MAST4: variants seen among roughly 807,000 people sequenced by gnomAD.
MAST4 encodes the protein microtubule associated serine/threonine kinase family member 4.
Under a neutral mutation model 162.7 loss-of-function variants are expected in MAST4, and 89 were observed. The observed-to-expected ratio is 0.55, with a 90% CI of 0.46 to 0.65. The LOEUF is 0.65. Ranked by LOEUF, MAST4 falls within the 30% of genes least tolerant of loss-of-function variation. MAST4 has a pLI of 0.00. For missense variants in MAST4, 3,153 were observed against 3,374.0 expected, an observed-to-expected ratio of 0.93 and a Z score of 1.62; for synonymous variants, 1,479 against 1,361.1, an observed-to-expected ratio of 1.09 and a Z score of -1.91.
At chr5:67,007,789 G>C (rs1752214610) in intron 4 of MAST4, among the ~76,000 whole-genome samples, 1 of 152,102 alleles carries the variant, frequency 6.6e-6, no homozygotes, top group African/African-American at 2.4e-5. Flanking sequence ...ATGCTGGTTT[G>C]TTAGTTTGTA....
intron 1 of MAST4, among the ~76,000 whole-genome samples, chr5:66,661,639 C>G (rs1190687679): frequency 6.6e-6 from 1 of 152,238 alleles, no homozygotes. Context: ...TCTGCCTGTT[C>G]AGAGCCTGGG....
intron 1 of MAST4, among the ~76,000 whole-genome samples, chr5:66,734,236 G>T (rs532274166): frequency 6.6e-6 from 1 of 152,268 alleles, no homozygotes; most frequent in Non-Finnish European, 1.5e-5. Context: ...AAATTAGATT[G>T]CAGACTTTTG....
At chr5:66,894,225 C>G (rs2149957087) in intron 3 of MAST4, among the ~76,000 whole-genome samples, 1 of 152,316 alleles carries the variant, frequency 6.6e-6, no homozygotes, top group South Asian at 2.1e-4. Context: ...GTGCCAACCT[C>G]TAATAAACAA....
intron 3 of MAST4, among the ~76,000 whole-genome samples, chr5:66,877,546 G>A (rs1450066662): frequency 6.6e-6 from 1 of 152,208 alleles, no homozygotes; most frequent in East Asian, 1.9e-4. Context: ...GCTGACTCCT[G>A]ATGGACGTAC....
intron 4 of MAST4, among the ~76,000 whole-genome samples, chr5:67,040,775 G>A (rs557848692): frequency 6.6e-6 from 1 of 152,308 alleles, no homozygotes; most frequent in East Asian, 1.9e-4. Flanking sequence ...TAATTTATAA[G>A]TGTACATATA....
chr5:66,969,194 G>A (rs1023441110), intron 4 of MAST4, among the ~76,000 whole-genome samples: 6 of 152,188 alleles, frequency 3.9e-5, no homozygotes, highest in South Asian at 4.1e-4. Context: ...GGGTCCCTGC[G>A]GCACCTTTTA....
chr5:66,730,268 T>G (rs1377389452), intron 1 of MAST4, among the ~76,000 whole-genome samples: 1 of 152,202 alleles, frequency 6.6e-6, no homozygotes, highest in African/African-American at 2.4e-5. Flanking sequence ...CCTGAAGAGA[T>G]GTATTCTTCC....
intron 3 of MAST4, among the ~76,000 whole-genome samples, chr5:66,826,577 A>G (rs1757268150): frequency 6.6e-6 from 1 of 152,002 alleles, no homozygotes; most frequent in Non-Finnish European, 1.5e-5. Context: ...TTGTGTTTCA[A>G]GGGGAAAACT....
chr5:66,627,977 CAA>C (rs1464567894), intron 1 of MAST4, among the ~76,000 whole-genome samples: 1 of 151,982 alleles, frequency 6.6e-6, no homozygotes, highest in Non-Finnish European at 1.5e-5. Context: ...TTGCTAAAAA[CAA>C]AAGTTTCTTT....
chr5:66,837,861 ATT>A (rs1758088541), intron 3 of MAST4, among the ~76,000 whole-genome samples: 1 of 79,468 alleles, frequency 1.3e-5, no homozygotes, highest in Non-Finnish European at 2.2e-5. Flanking sequence ...GTGAGACTTG[ATT>A]TTATATATAT....
At chr5:67,051,197 A>G (rs1295187) in intron 4 of MAST4, among the ~76,000 whole-genome samples, 85,508 of 150,390 alleles carry the variant, frequency 0.57, 24,821 homozygotes, top group East Asian at 0.89. Context: ...AAAAAAAAAA[A>G]CAAGGCAGAA....
chr5:67,038,394 T>G (rs1282251080), intron 4 of MAST4, among the ~76,000 whole-genome samples: 2 of 152,214 alleles, frequency 1.3e-5, no homozygotes, highest in African/African-American at 4.8e-5. Context: ...GACTTCCTGA[T>G]TACAAACTCC....
chr5:66,930,161 G>A (rs562170010), intron 4 of MAST4, among the ~76,000 whole-genome samples: 10 of 152,178 alleles, frequency 6.6e-5, no homozygotes, highest in Non-Finnish European at 1.2e-4. Flanking sequence ...TTGAATGAGA[G>A]CAGGAAGAGA....
At chr5:67,071,298 C>T (rs1056014673) in intron 5 of MAST4, among the ~76,000 whole-genome samples, 3 of 152,230 alleles carry the variant, frequency 2.0e-5, no homozygotes, top group Middle Eastern at 3.4e-3. Context: ...AGGAATAAAA[C>T]GCATGCTGAC....
At chr5:66,811,697 T>G (rs1185130384) in intron 3 of MAST4, among the ~76,000 whole-genome samples, 1 of 152,182 alleles carries the variant, frequency 6.6e-6, no homozygotes, top group East Asian at 1.9e-4. Context: ...TAGCCATCTG[T>G]TGGGTCCTAG....
intron 4 of MAST4, among the ~76,000 whole-genome samples, chr5:67,040,070 G>A (rs762269871): frequency 1.3e-5 from 2 of 151,720 alleles, no homozygotes; most frequent in Admixed American, 6.6e-5. Context: ...GCTTTCTGAC[G>A]CATGTTACAA....
chr5:66,786,335 A>G (rs1045762418), intron 2 of MAST4, among the ~76,000 whole-genome samples: 1 of 152,008 alleles, frequency 6.6e-6, no homozygotes, highest in African/African-American at 2.4e-5. Context: ...GCAGAACAAC[A>G]GTGAGGCTAT....
At chr5:66,959,126 C>A in intron 4 of MAST4, 1 of 710,410 alleles carries the variant, frequency 1.4e-6, no homozygotes, top group Non-Finnish European at 2.6e-6. Flanking sequence ...CCTCCCCCTC[C>A]CCCTCGAGAG....
chr5:66,864,486 G>A (rs79976439), intron 3 of MAST4, among the ~76,000 whole-genome samples: 6,049 of 152,180 alleles, frequency 0.04, 153 homozygotes, highest in Non-Finnish European at 0.064. Context: ...GGCAGGGGAG[G>A]TATGGGAGGA....
Sources: allele counts gnomAD v4.1 joint callset (sites outside exome capture counted in the v4.1 genomes callset), GRCh38; gene constraint gnomAD v4.1.1; transcripts MANE v1.5; gene names NCBI Gene and HGNC (gene_info 2026-07-23, HGNC 2026-07-21).